Variants in BCL2L1 observed in about 807,000 individuals in gnomAD.
BCL2L1 encodes the protein bcl-2-like protein 1.
A neutral mutation model predicts 18.7 loss-of-function variants in BCL2L1; 1 was observed. The observed-to-expected ratio is 0.05, with a 90% CI of 0.02 to 0.25. The LOEUF is 0.25. Ranked by LOEUF, BCL2L1 falls within the 10% of genes least tolerant of loss-of-function variation. The pLI, the probability that BCL2L1 is intolerant of heterozygous loss-of-function variation, is 1.00. For synonymous variants in BCL2L1, 103 were observed against 122.7 expected, an observed-to-expected ratio of 0.84 and a Z score of 1.06; for missense variants, 207 against 304.9, an observed-to-expected ratio of 0.68 and a Z score of 2.39.
chr20:31,677,984 C>T (rs1357232331), intron 2 of BCL2L1, among the ~76,000 whole-genome samples: 1 of 152,150 alleles, frequency 6.6e-6, no homozygotes, highest in Non-Finnish European at 1.5e-5. Flanking sequence ...CACTGCCTGG[C>T]AAAACTAGAA....
chr20:31,722,192 C>T lies in BCL2L1; in HGVS notation c.27G>A (p.Val9=), dbSNP rs2061646474. MSQSNREL[V]VDFLSYKLSQ... ...AAAGCTTGTAGGAGAGAAAGTCAAC[C>T]ACCAGCTCCCGGTTGCTCTGAGACA... The change falls in exon 2 of 3, where the codon GTG becomes GTA. Residue 9 remains valine (V), a synonymous_variant. Coordinates refer to ENST00000307677, the MANE Select transcript of BCL2L1 (RefSeq NM_138578.3). The T allele has an allele frequency of 2.0e-5, 30 of 1,498,120 alleles. No individual in the cohort carries two copies. Among genetic ancestry groups the T allele is most frequent in the Non-Finnish European group, 2.7e-5 (30 of 1,130,892 alleles). 92.8% of individuals were successfully genotyped at this position (1,498,120 alleles called of 1,614,324 possible).
intron 2 of BCL2L1, among the ~76,000 whole-genome samples, chr20:31,682,739 G>A (rs2060885618): frequency 6.6e-6 from 1 of 152,132 alleles, no homozygotes; most frequent in Admixed American, 6.5e-5. Context: ...ATAGCTGTGA[G>A]CCACTGTGCC....
rs1386366488 is a variant in BCL2L1, at chr20:31,664,483, C to T, written c.*1466G>A. On this transcript the variant is annotated 3_prime_UTR_variant, in exon 3 of 3. Transcript: ENST00000307677. The stretch of plus-strand genomic sequence containing the variant: ...TTCACTGAGTAAACACAGTTTATTA[C>T]TGAACTGCACTTTCACCTTCACACA... 9 of 179,760 alleles carry T rather than the reference C, an allele frequency of 5.0e-5. No individual in the cohort carries two copies. The East Asian group carries it at 8.2e-4, about 16-fold the overall frequency. The allele number at this position is 179,760 out of a possible 1,614,324, so 11.1% of individuals were successfully genotyped here.
rs565360645 is a variant in BCL2L1, at chr20:31,690,978, G to A, written c.565-24892C>T. On this transcript the variant is annotated intron_variant, in intron 2 of 2. Transcript: ENST00000307677. ...AGCCTGGCCAACATGGTGAAACCCC[G>A]TCTCTACTAAAAATATAAAAAAAAT... Among the ~76,000 whole-genome samples, 23 of 150,616 alleles carry A rather than the reference G, an allele frequency of 1.5e-4. No individual in the cohort carries two copies. In the Middle Eastern group the frequency reaches 0.014, roughly 91 times the overall value.
At chr20:31,685,096 A>C (rs1354151656) in intron 2 of BCL2L1, among the ~76,000 whole-genome samples, 1 of 152,118 alleles carries the variant, frequency 6.6e-6, no homozygotes, top group Non-Finnish European at 1.5e-5. Flanking sequence ...CTTCTAGTAT[A>C]TTTTTATTAA....
intron 2 of BCL2L1, among the ~76,000 whole-genome samples, chr20:31,703,914 C>T (rs540384074): frequency 6.6e-6 from 1 of 151,358 alleles, no homozygotes; most frequent in African/African-American, 2.4e-5. Flanking sequence ...TCTCCTGCCT[C>T]AGCCTCCCAA....
chr20:31,684,696 T>C (rs1383430610), intron 2 of BCL2L1, among the ~76,000 whole-genome samples: 1 of 152,200 alleles, frequency 6.6e-6, no homozygotes, highest in African/African-American at 2.4e-5. Flanking sequence ...TCCACCCATA[T>C]GAGCCCTCGG....
chr20:31,719,590 G>A (rs377542870), intron 2 of BCL2L1, among the ~76,000 whole-genome samples: 2 of 152,304 alleles, frequency 1.3e-5, no homozygotes, highest in South Asian at 2.1e-4. Context: ...AAGAGGAAGT[G>A]ACATGTGGTA....
intron 2 of BCL2L1, among the ~76,000 whole-genome samples, chr20:31,676,642 C>G (rs1173991577): frequency 6.6e-6 from 1 of 152,174 alleles, no homozygotes; most frequent in Non-Finnish European, 1.5e-5. Flanking sequence ...GAGTCGGAGA[C>G]TCCAGGGACC....
chr20:31,670,421 G>A (rs1451195293), intron 2 of BCL2L1, among the ~76,000 whole-genome samples: 1 of 152,198 alleles, frequency 6.6e-6, no homozygotes, highest in African/African-American at 2.4e-5. Context: ...CAAAATGGGA[G>A]AGGCCTGGCT....
chr20:31,723,463 G>T (rs1209336076), upstream of BCL2L1: 1 of 985,194 alleles, frequency 1.0e-6, no homozygotes, highest in Non-Finnish European at 1.2e-6. Context: ...CGGGGCCGGG[G>T]GCTGCACCTC....
intron 2 of BCL2L1, among the ~76,000 whole-genome samples, chr20:31,692,803 G>T (rs181375204): frequency 2.0e-4 from 31 of 152,202 alleles, no homozygotes; most frequent in African/African-American, 7.5e-4. Flanking sequence ...CATCTACTAG[G>T]GAGTCTGAGG....
intron 2 of BCL2L1, chr20:31,720,231 G>A (rs1387755094): frequency 1.1e-6 from 1 of 899,102 alleles, no homozygotes; most frequent in Non-Finnish European, 1.3e-6. Flanking sequence ...GAGAGAGGGG[G>A]TGGGGTTCCA....
At chr20:31,715,691 G>A (rs2061522922) in intron 2 of BCL2L1, among the ~76,000 whole-genome samples, 1 of 152,134 alleles carries the variant, frequency 6.6e-6, no homozygotes, top group Admixed American at 6.5e-5. Flanking sequence ...TGGTTATTCT[G>A]AGAAACTGCA....
At chr20:31,686,014 A>G (rs575700271) in intron 2 of BCL2L1, among the ~76,000 whole-genome samples, 2 of 152,268 alleles carry the variant, frequency 1.3e-5, no homozygotes, top group South Asian at 4.1e-4. Flanking sequence ...CCTGTTCTTT[A>G]CTTGACATTG....
chr20:31,687,636 C>T (rs2060982584), intron 2 of BCL2L1, among the ~76,000 whole-genome samples: 1 of 147,182 alleles, frequency 6.8e-6, no homozygotes, highest in African/African-American at 2.5e-5. Flanking sequence ...AAGATTGCCA[C>T]TCCACTCCTC....
chr20:31,676,344 A>G (rs1376082654), intron 2 of BCL2L1, among the ~76,000 whole-genome samples: 5 of 152,200 alleles, frequency 3.3e-5, no homozygotes, highest in Non-Finnish European at 5.9e-5. Flanking sequence ...ATGAGGAAAC[A>G]GAGGCAGAGA....
At chr20:31,698,715 T>A (rs2061228405) in intron 2 of BCL2L1, among the ~76,000 whole-genome samples, 1 of 151,978 alleles carries the variant, frequency 6.6e-6, no homozygotes, top group Admixed American at 6.6e-5. Flanking sequence ...ATTTTTGTAT[T>A]TTTTTGTAGA....
intron 2 of BCL2L1, chr20:31,716,762 C>A (rs2122824183): frequency 6.6e-6 from 1 of 152,322 alleles, no homozygotes; most frequent in South Asian, 2.1e-4. Flanking sequence ...TTAAGCTCTA[C>A]CAACTGTTAA....
Sources: gnomAD v4.1 joint callset for allele counts (sites outside exome capture counted in the v4.1 genomes callset) on GRCh38, gnomAD v4.1.1 for gene constraint, MANE v1.5 for transcripts, NCBI Gene and HGNC (gene_info 2026-07-23, HGNC 2026-07-21) for gene names.